Variants in EGLN1 observed in about 807,000 individuals in gnomAD.
EGLN1 encodes egl nine homolog 1.
Under a neutral mutation model 38.3 loss-of-function variants are expected in EGLN1, and 17 were observed. The ratio of observed to expected loss-of-function variants is 0.44; its 90% CI spans 0.30 to 0.67. The LOEUF is 0.67. Among genes scored for constraint, EGLN1 ranks in the 30% least tolerant of loss-of-function variants. The pLI is 0.08. For synonymous variants in EGLN1, 283 were observed against 257.5 expected, an observed-to-expected ratio of 1.10 and a Z score of -0.95; for missense variants, 477 against 603.3, an observed-to-expected ratio of 0.79 and a Z score of 2.19.
chr1:231,404,619 A>T (rs1251760439), intron 1 of EGLN1, among the ~76,000 whole-genome samples: 4 of 152,106 alleles, frequency 2.6e-5, no homozygotes, highest in Admixed American at 6.5e-5. Context: ...CTCTAAAAAA[A>T]AAATTTTTTT....
rs559522517 is a variant in EGLN1, at chr1:231,381,857, A to G, written c.892-7758T>C. 7.2e-5 allele frequency among the ~76,000 whole-genome samples: 11 copies of G among 152,270 alleles called. No individual in the cohort carries two copies. The East Asian group carries it at 1.9e-3, about 27-fold the overall frequency. Reference sequence around the variant, plus strand: ...GCAGGGCTCTGTATTTATATCACACACACCACTCCCACTGCAAACTTCATG... The same window carrying G: ...GCAGGGCTCTGTATTTATATCACACGCACCACTCCCACTGCAAACTTCATG... On this transcript the variant is annotated intron_variant, in intron 1 of 4. Coordinates refer to ENST00000366641, the MANE Select transcript of EGLN1 (RefSeq NM_022051.3).
intron 3 of EGLN1, among the ~76,000 whole-genome samples, 190 bp downstream of exon 3, chr1:231,370,372 A>G (rs1367142341): frequency 2.0e-5 from 3 of 152,214 alleles, no homozygotes; most frequent in African/African-American, 4.8e-5. Flanking sequence ...ACTAACTGTT[A>G]ATGAGTCTTA....
chr1:231,418,324 G>A (rs931735431), intron 1 of EGLN1, among the ~76,000 whole-genome samples: 2 of 152,188 alleles, frequency 1.3e-5, no homozygotes, highest in African/African-American at 4.8e-5. Flanking sequence ...TAAAGCTAGT[G>A]CTATTCACCC....
chr1:231,369,568 T>A (rs1687761553), intron 3 of EGLN1: 1 of 985,210 alleles, frequency 1.0e-6, no homozygotes, highest in African/African-American at 1.7e-5. Context: ...TCTTACAATC[T>A]CCAGCTACAA....
intron 1 of EGLN1, among the ~76,000 whole-genome samples, chr1:231,394,544 A>C (rs926284031): frequency 7.1e-5 from 6 of 84,248 alleles, no homozygotes; most frequent in Admixed American, 3.3e-4. Context: ...ACGCCCGACT[A>C]ATTTTTTTTT....
rs1381970650 is a variant in EGLN1, at chr1:231,422,198, C to A, written c.-310G>T. 2 of 202,324 alleles carry A rather than the reference C, an allele frequency of 9.9e-6. No homozygotes were observed. The highest frequency in any genetic ancestry group is 2.3e-4 in the East Asian group (2 of 8,602). The allele number at this position is 202,324 out of a possible 1,614,324, so 12.5% of individuals were successfully genotyped here. A position where few individuals can be genotyped will look rare whatever the true frequency, so the allele number is the denominator to read the frequency against. Reference sequence around the variant, plus strand: ...CGGGCCTGGGGAGCGCAAGACCGGCCCCCTCGGCCGCCGCCGCCGCCTCAG... The same window carrying A: ...CGGGCCTGGGGAGCGCAAGACCGGCACCCTCGGCCGCCGCCGCCGCCTCAG... On this transcript the variant is annotated 5_prime_UTR_variant, in exon 1 of 5. Coordinates refer to ENST00000366641, the MANE Select transcript of EGLN1 (RefSeq NM_022051.3).
intron 1 of EGLN1, among the ~76,000 whole-genome samples, chr1:231,393,801 A>C (rs1289823484): frequency 1.3e-5 from 2 of 152,118 alleles, no homozygotes; most frequent in Non-Finnish European, 2.9e-5. Context: ...TGCTCACTGG[A>C]GGCCAATTTA....
At chr1:231,401,442 T>A (rs1572041127) in intron 1 of EGLN1, among the ~76,000 whole-genome samples, 1 of 152,142 alleles carries the variant, frequency 6.6e-6, no homozygotes, top group Admixed American at 6.5e-5. Context: ...AGCCCAGCAA[T>A]TATAGTCTAG....
At chr1:231,401,640 A>G (rs947625067) in intron 1 of EGLN1, among the ~76,000 whole-genome samples, 1 of 152,202 alleles carries the variant, frequency 6.6e-6, no homozygotes, top group Non-Finnish European at 1.5e-5. Context: ...ATTCATCTGA[A>G]GTTGCTGCAT....
At chr1:231,390,055 C>G (rs765585468) in intron 1 of EGLN1, among the ~76,000 whole-genome samples, 2 of 152,232 alleles carry the variant, frequency 1.3e-5, no homozygotes, top group Non-Finnish European at 2.9e-5. Context: ...GACTGTGTTA[C>G]TTTGGGCAAA....
At chr1:231,392,262 G>C (rs1419414620) in intron 1 of EGLN1, among the ~76,000 whole-genome samples, 1 of 151,962 alleles carries the variant, frequency 6.6e-6, no homozygotes, top group Non-Finnish European at 1.5e-5. Flanking sequence ...ACTCCAGCCT[G>C]GGCGACAGAG....
intron 1 of EGLN1, among the ~76,000 whole-genome samples, chr1:231,387,343 T>C (rs536432355): frequency 1.3e-5 from 2 of 151,654 alleles, no homozygotes; most frequent in Non-Finnish European, 2.9e-5. Flanking sequence ...TGGCCCTAGA[T>C]GCAACCTATT....
intron 1 of EGLN1, among the ~76,000 whole-genome samples, chr1:231,394,788 A>C (rs575527889): frequency 1.2e-4 from 19 of 152,196 alleles, no homozygotes; most frequent in African/African-American, 3.1e-4. Flanking sequence ...TTTCACCCCC[A>C]GATTTCTAAA....
chr1:231,411,437 T>A (rs1355597979), intron 1 of EGLN1, among the ~76,000 whole-genome samples: 1 of 152,162 alleles, frequency 6.6e-6, no homozygotes, highest in African/African-American at 2.4e-5. Context: ...AACACAATGG[T>A]CAATCTTTTT....
At chr1:231,375,832 T>C (rs1167857651) in intron 1 of EGLN1, among the ~76,000 whole-genome samples, 2 of 152,180 alleles carry the variant, frequency 1.3e-5, no homozygotes, top group Non-Finnish European at 2.9e-5. Context: ...ATTACTCCAT[T>C]TGTGGTTAAC....
At chr1:231,420,906 A>G in intron 1 of EGLN1, 92 bp downstream of exon 1, 2 of 1,610,638 alleles carry the variant, frequency 1.2e-6, no homozygotes, top group Admixed American at 1.7e-5. Context: ...ATATAGAGGA[A>G]TGCTGCTTCT....
rs537936678 is a variant in EGLN1, at chr1:231,412,005, C to T, written c.891+8993G>A. Reference sequence around the variant, plus strand: ...ACAGCCTGGGTGACAGAGTGAGACTCCATCTCAAAAAAAAAAAAAAAAAAA... The same window carrying T: ...ACAGCCTGGGTGACAGAGTGAGACTTCATCTCAAAAAAAAAAAAAAAAAAA... On this transcript the variant is annotated intron_variant, in intron 1 of 4. Coordinates refer to ENST00000366641, the MANE Select transcript of EGLN1 (RefSeq NM_022051.3). Among the ~76,000 whole-genome samples, 267 of 68,364 alleles carry T rather than the reference C, an allele frequency of 3.9e-3. 2 individuals are homozygous for T. The highest frequency in any genetic ancestry group is 5.4e-3 in the Non-Finnish European group (215 of 39,712). The allele number at this position is 68,364 out of a possible 152,430, so 44.8% of individuals were successfully genotyped here. A position where few individuals can be genotyped will look rare whatever the true frequency, so the allele number is the denominator to read the frequency against.
intron 1 of EGLN1, among the ~76,000 whole-genome samples, chr1:231,382,431 T>C (rs1008132288): frequency 6.6e-6 from 1 of 152,196 alleles, no homozygotes; most frequent in African/African-American, 2.4e-5. Context: ...CCTACTCCAG[T>C]GAGACAACTC....
chr1:231,388,096 T>C (rs1456272090), intron 1 of EGLN1, among the ~76,000 whole-genome samples: 1 of 152,200 alleles, frequency 6.6e-6, no homozygotes, highest in Non-Finnish European at 1.5e-5. Context: ...AGGAAGTTTA[T>C]TTTGGTTGTA....
Sources: gnomAD v4.1 joint callset for allele counts (sites outside exome capture counted in the v4.1 genomes callset) on GRCh38, gnomAD v4.1.1 for gene constraint, MANE v1.5 for transcripts, NCBI Gene and HGNC (gene_info 2026-07-23, HGNC 2026-07-21) for gene names.